The following HMGCS2 variants were observed in gnomAD, a reference collection of about 807,000 sequenced individuals.
HMGCS2 encodes hydroxymethylglutaryl-CoA synthase, mitochondrial.
HMGCS2 carries 50 observed loss-of-function variants against 57.4 expected under a neutral mutation model. That is an observed-to-expected ratio of 0.87 (90% CI 0.69 to 1.10). The LOEUF is 1.10. Ranked by LOEUF, HMGCS2 falls within the 50% of genes least tolerant of loss-of-function variation. The pLI, the probability that HMGCS2 is intolerant of heterozygous loss-of-function variation, is 0.00. For missense variants in HMGCS2, 627 were observed against 636.5 expected, an observed-to-expected ratio of 0.99 and a Z score of 0.16; for synonymous variants, 254 against 245.1, an observed-to-expected ratio of 1.04 and a Z score of -0.34.
chr1:119,759,396 A>T (rs1571037725), intron 3 of HMGCS2, 114 bp from the exon 4 acceptor site: 1 of 1,023,016 alleles, frequency 9.8e-7, no homozygotes. Context: ...TCCCATGCCC[A>T]AGTTCAAGCC....
At chr1:119,753,474 C>T in intron 6 of HMGCS2, 88 bp from the exon 7 acceptor site, 3 of 753,562 alleles carry the variant, frequency 4.0e-6, no homozygotes, top group Non-Finnish European at 7.0e-6. Context: ...TTATATTCTG[C>T]ACTTCAAATA....
At chr1:119,759,835 C>A in intron 3 of HMGCS2, 29 bp downstream of exon 3, 9 of 1,612,704 alleles carry the variant, frequency 5.6e-6, no homozygotes, top group Non-Finnish European at 6.8e-6. Flanking sequence ...ATGCCATGCA[C>A]AGCCTCTTGG....
intron 4 of HMGCS2, among the ~76,000 whole-genome samples, chr1:119,757,935 G>T (rs769144059): frequency 7.9e-5 from 12 of 152,234 alleles, no homozygotes; most frequent in Non-Finnish European, 1.3e-4. Flanking sequence ...CAAATAAGGA[G>T]TAAAATTTAA....
intron 4 of HMGCS2, among the ~76,000 whole-genome samples, chr1:119,758,114 G>A (rs1652911387): frequency 2.6e-5 from 4 of 152,366 alleles, no homozygotes; most frequent in Admixed American, 1.3e-4. Context: ...ACACCCCCAA[G>A]GCATCCATGC....
intron 1 of HMGCS2, among the ~76,000 whole-genome samples, chr1:119,767,736 A>C (rs931439693): frequency 2.6e-5 from 4 of 152,218 alleles, no homozygotes; most frequent in African/African-American, 9.6e-5. Context: ...GGGAGGATTG[A>C]TGTATGTCTT....
rs941284777 is a variant in HMGCS2, at chr1:119,748,018, T to G, written c.*829A>C. 6.6e-6 allele frequency: 1 copy of G among 152,262 alleles called. No individual in the cohort carries two copies. Among genetic ancestry groups the G allele is most frequent in the Non-Finnish European group, 1.5e-5 (1 of 68,048 alleles). 9.4% of individuals were successfully genotyped at this position (152,262 alleles called of 1,614,324 possible). A position where few individuals can be genotyped will look rare whatever the true frequency, so the allele number is the denominator to read the frequency against. On this transcript the variant is annotated 3_prime_UTR_variant, in exon 10 of 10. Coordinates refer to ENST00000369406, the MANE Select transcript of HMGCS2 (RefSeq NM_005518.4). ...GCATCAAAATTTATTTATTTTTTTA[T>G]TTTTGGCTATAGAAGGCAAAAACTT...
chr1:119,764,874 GC>G, intron 1 of HMGCS2, among the ~76,000 whole-genome samples: 1 of 152,080 alleles, frequency 6.6e-6, no homozygotes, highest in African/African-American at 2.4e-5. Flanking sequence ...AGCTACACTA[GC>G]TTTTTGCTTA....
chr1:119,753,858 T>A (rs1414933274), intron 6 of HMGCS2, among the ~76,000 whole-genome samples: 2 of 151,556 alleles, frequency 1.3e-5, no homozygotes, highest in African/African-American at 4.9e-5. Flanking sequence ...AGTTCACCCA[T>A]AAGCACTTTT....
At position 119,752,530 on chromosome 1, in the gene HMGCS2, T is replaced by C; in HGVS notation, c.1420+19A>G. ...CTGGAATGGGGTCTCTCTTCCTCTCTTCCTGACTTTTTTCTTACCCTTATG... is the reference window on the plus strand; with the variant it reads ...CTGGAATGGGGTCTCTCTTCCTCTCCTCCTGACTTTTTTCTTACCCTTATG... On this transcript the variant is annotated intron_variant, in intron 8 of 9. Coordinates refer to ENST00000369406, the MANE Select transcript of HMGCS2 (RefSeq NM_005518.4). 6.2e-7 allele frequency: 1 copy of C among 1,613,378 alleles called. No individual in the cohort carries two copies.
intron 3 of HMGCS2, 94 bp downstream of exon 3, chr1:119,759,770 C>T: frequency 6.7e-7 from 1 of 1,490,888 alleles, no homozygotes; most frequent in Non-Finnish European, 9.3e-7. Context: ...AAACGCATAC[C>T]TCAGCCCTGA....
chr1:119,768,393 G>A (rs587611185), intron 1 of HMGCS2, among the ~76,000 whole-genome samples: 1 of 152,354 alleles, frequency 6.6e-6, no homozygotes, highest in South Asian at 2.1e-4. Flanking sequence ...ACAAGGTCCT[G>A]TGGTTCTAGG....
In HMGCS2 at chr1:119,759,954, C is replaced by T. The variant is rs150140061; in HGVS notation, c.595G>A (p.Val199Ile). ...YAMVVCGDIA[V>I]YPSGNARPTG... is the part of the protein sequence containing the mutation. ...GGACGAGCATTACCACTGGGATAGA[C>T]GGCAATGTCTCCACAGACCACCATG... The change falls in exon 3 of 10, where the codon GTC becomes ATC. Residue 199 changes from valine (V) to isoleucine (I), a missense_variant. By Grantham distance (29) the Val-to-Ile change is conservative. Coordinates refer to ENST00000369406, the MANE Select transcript of HMGCS2 (RefSeq NM_005518.4). The T allele has an allele frequency of 3.0e-5, 49 of 1,613,800 alleles. No homozygotes were observed. Among genetic ancestry groups the T allele is most frequent in the African/African-American group, 2.7e-5 (2 of 74,904 alleles).
At chr1:119,752,438 C>G (rs1652690902) in intron 8 of HMGCS2, 111 bp downstream of exon 8, 7 of 1,190,698 alleles carry the variant, frequency 5.9e-6, no homozygotes, top group Non-Finnish European at 7.5e-6. Flanking sequence ...CCAACCATAT[C>G]TCGTAAAAGT....
intron 1 of HMGCS2, among the ~76,000 whole-genome samples, chr1:119,766,755 C>T (rs1002968947): frequency 2.0e-5 from 3 of 152,006 alleles, no homozygotes; most frequent in Non-Finnish European, 4.4e-5. Flanking sequence ...TCCCTTTCTT[C>T]CCAGTTAGAA....
chr1:119,755,911 A>T lies in HMGCS2; in HGVS notation c.1017-314T>A, dbSNP rs2843022. On this transcript the variant is annotated intron_variant, in intron 5 of 9. Transcript: ENST00000369406. ...AGTGTGTGTGTGTATATATATATATATTTTTTTTCCATGACATTCTATAAC... is the reference window on the plus strand; with the variant it reads ...AGTGTGTGTGTGTATATATATATATTTTTTTTTTCCATGACATTCTATAAC... Among the ~76,000 whole-genome samples the T allele has an allele frequency of 0.086, 13,023 of 151,422 alleles. 624 individuals are homozygous for T. Among genetic ancestry groups the T allele is most frequent in the Non-Finnish European group, 0.093 (6,328 of 67,756 alleles).
intron 1 of HMGCS2, among the ~76,000 whole-genome samples, chr1:119,765,310 G>A (rs1476031225): frequency 2.0e-5 from 3 of 152,060 alleles, no homozygotes; most frequent in Non-Finnish European, 2.9e-5. Context: ...GGGTTTCACC[G>A]TGTTAGCCAG....
intron 7 of HMGCS2, 58 bp from the exon 8 acceptor site, chr1:119,752,732 A>G: frequency 2.5e-6 from 4 of 1,603,096 alleles, no homozygotes; most frequent in Admixed American, 1.7e-5. Context: ...ACTATTGCCA[A>G]TCACGAGTTC....
At chr1:119,761,496 T>A (rs1653037236) in intron 2 of HMGCS2, among the ~76,000 whole-genome samples, 1 of 152,128 alleles carries the variant, frequency 6.6e-6, no homozygotes, top group Non-Finnish European at 1.5e-5. Flanking sequence ...CCGGGCACGG[T>A]GGCTCACGCC....
Position 119,764,531 on chromosome 1 carries a change from T to A in HMGCS2, c.200A>T (p.Tyr67Phe). ...CTTCTCCAGGTCAGTTTGGTCCACA[T>A]ATTGGGCTGGGAAGTAGACCTCCAG... ...LALEVYFPAQ[Y>F]VDQTDLEKYN... The change falls in exon 2 of 10, where the codon TAT becomes TTT. Residue 67 changes from tyrosine to phenylalanine, a missense_variant. Physicochemically the swap from Tyr to Phe is conservative, Grantham distance 22. Coordinates refer to ENST00000369406, the MANE Select transcript of HMGCS2 (RefSeq NM_005518.4). 6.2e-7 allele frequency: 1 copy of A among 1,614,044 alleles called. No homozygotes were observed. The highest frequency in any genetic ancestry group is 8.5e-7 in the Non-Finnish European group (1 of 1,179,972).
Sources: allele counts gnomAD v4.1 joint callset (sites outside exome capture counted in the v4.1 genomes callset), GRCh38; gene constraint gnomAD v4.1.1; transcripts MANE v1.5; gene names NCBI Gene and HGNC (gene_info 2026-07-23, HGNC 2026-07-21).